The following ADAM12 variants were observed in gnomAD, a reference collection of about 807,000 sequenced individuals.
ADAM12 encodes ADAM metallopeptidase domain 12.
ADAM12 carries 70 observed loss-of-function variants against 106.4 expected under a neutral mutation model. That is an observed-to-expected ratio of 0.66 (90% confidence interval 0.54 to 0.80). ADAM12 has a LOEUF of 0.80. ADAM12 is among the 30% of genes least tolerant of loss of function. The pLI is 0.00. For missense variants in ADAM12, 1,010 were observed against 1,171.9 expected (o/e 0.86, Z 2.02); for synonymous variants, 420 against 433.5 (o/e 0.97, Z 0.39).
chr10:126,296,103 G>T (rs1419477545), intron 2 of ADAM12, among the ~76,000 whole-genome samples: 2 of 152,180 alleles, frequency 1.3e-5, no homozygotes, highest in African/African-American at 4.8e-5. Flanking sequence ...CAGGAAATGT[G>T]CACCAAAACA....
Position 126,066,269 on chromosome 10 carries a change from T to G in ADAM12, c.1413+448A>C. Among the ~76,000 whole-genome samples the G allele has an allele frequency of 6.6e-6, 1 of 152,166 alleles. No homozygotes were observed. Among genetic ancestry groups the G allele is most frequent in the South Asian group, 2.1e-4 (1 of 4,824 alleles). ...GTGGCAACTTCTTTTGGGAGGACAT[T>G]AAGATTGAGTTGTTTATACAAAACT... is the stretch of plus-strand genomic sequence containing the variant. On this transcript the variant is annotated intron_variant, in intron 13 of 22. Transcript: ENST00000448723. The surrounding 1 kb of genome is among the most constrained non-coding windows in gnomAD (Gnocchi z 5.1).
intron 2 of ADAM12, among the ~76,000 whole-genome samples, chr10:126,325,212 T>C (rs182429474): frequency 1.0e-3 from 153 of 152,280 alleles, no homozygotes; most frequent in Non-Finnish European, 1.7e-3. Flanking sequence ...AGGGAATGGG[T>C]ATCAAGATAA....
intron 1 of ADAM12, among the ~76,000 whole-genome samples, chr10:126,349,196 A>G (rs1393931008): frequency 6.6e-6 from 1 of 152,232 alleles, no homozygotes; most frequent in African/African-American, 2.4e-5. Context: ...AACACACCTC[A>G]TAGCAATTGG....
chr10:126,040,088 C>T (rs898324), intron 18 of ADAM12, among the ~76,000 whole-genome samples: 3,380 of 152,202 alleles, frequency 0.022, 109 homozygotes, highest in African/African-American at 0.073. Flanking sequence ...TTTTCTATGA[C>T]CTGCTGCCAT....
rs772492079 is a variant in ADAM12 at position 126,135,582 on chromosome 10, A to G, written c.416+2T>C. The stretch of plus-strand genomic sequence containing the variant: ...AGAGCCGCCATGGTCATGGCCACTT[A>G]CCTGAGACCAGAACACGTGCTGAGA... On this transcript the variant is annotated splice_donor_variant, in intron 5 of 22. Transcript: ENST00000448723. LOFTEE classifies it high-confidence loss of function. 48 of 1,613,912 alleles carry G rather than the reference A, an allele frequency of 3.0e-5. No individual in the cohort carries two copies. Among genetic ancestry groups the G allele is most frequent in the Non-Finnish European group, 3.8e-5 (45 of 1,179,876 alleles).
chr10:126,241,022 A>G (rs958009703), intron 3 of ADAM12, among the ~76,000 whole-genome samples: 2 of 152,198 alleles, frequency 1.3e-5, no homozygotes, highest in Non-Finnish European at 2.9e-5. Context: ...TCTTAATGGA[A>G]TGTGTTCCAG....
In ADAM12 at chr10:126,015,302, C is replaced by G. The variant is rs1395562340; in HGVS notation, c.*1977G>C. ...TATCCTCTTATAATTGGAGGAAGGG[C>G]TAACATGCCAGATCTAAGGATTTGG... On this transcript the variant is annotated 3_prime_UTR_variant, in exon 23 of 23. Transcript: ENST00000448723. 1.3e-5 allele frequency: 2 copies of G among 152,146 alleles called. No homozygotes were observed. The highest frequency in any genetic ancestry group is 2.9e-5 in the Non-Finnish European group (2 of 68,024). 9.4% of individuals were successfully genotyped at this position (152,146 alleles called of 1,614,324 possible).
intron 3 of ADAM12, among the ~76,000 whole-genome samples, chr10:126,247,853 C>T (rs561894511): frequency 6.6e-5 from 10 of 152,336 alleles, no homozygotes; most frequent in South Asian, 2.1e-4. Context: ...CTCACTAAAA[C>T]GCCAAGAAAT....
chr10:126,090,728 T>C (rs1257624813), intron 11 of ADAM12: 1 of 152,230 alleles, frequency 6.6e-6, no homozygotes, highest in Non-Finnish European at 1.5e-5. Flanking sequence ...AAGTCTTAAG[T>C]TGAAATAGGA....
intron 1 of ADAM12, among the ~76,000 whole-genome samples, chr10:126,371,178 G>A (rs762634007): frequency 1.2e-4 from 19 of 152,196 alleles, no homozygotes; most frequent in Non-Finnish European, 2.5e-4. Flanking sequence ...TGCCTCCCAG[G>A]GCATGGTGAG....
intron 4 of ADAM12, among the ~76,000 whole-genome samples, chr10:126,140,926 G>A (rs1956498547): frequency 6.6e-6 from 1 of 152,196 alleles, no homozygotes; most frequent in Non-Finnish European, 1.5e-5. Context: ...GACAAAGGCA[G>A]AGAGAGAGGA....
chr10:126,234,903 A>T (rs1419007606), intron 3 of ADAM12, among the ~76,000 whole-genome samples: 1 of 152,182 alleles, frequency 6.6e-6, no homozygotes, highest in Non-Finnish European at 1.5e-5. Flanking sequence ...ACGTGGAGAG[A>T]CCTACAAATC....
chr10:126,055,475 C>T (rs947751132), intron 14 of ADAM12, among the ~76,000 whole-genome samples: 1 of 152,224 alleles, frequency 6.6e-6, no homozygotes, highest in East Asian at 1.9e-4. Flanking sequence ...GGATACAGCA[C>T]GCGGTATCAT....
intron 6 of ADAM12, among the ~76,000 whole-genome samples, chr10:126,116,522 G>T (rs561274250): frequency 4.9e-4 from 74 of 152,064 alleles, no homozygotes; most frequent in Admixed American, 7.2e-4. Context: ...AGAGGTTGGG[G>T]GGGTAATTTT....
At chr10:126,287,434 C>T (rs1237384297) in intron 2 of ADAM12, among the ~76,000 whole-genome samples, 2 of 152,182 alleles carry the variant, frequency 1.3e-5, no homozygotes, top group Non-Finnish European at 2.9e-5. Flanking sequence ...CATCTCCCTC[C>T]ATCACCCCTG....
intron 5 of ADAM12, among the ~76,000 whole-genome samples, chr10:126,121,504 A>AATTATATATT: frequency 7.2e-6 from 1 of 138,354 alleles, no homozygotes. Flanking sequence ...TATATAATAT[A>AATTATATATT]ATAGAAAATT....
chr10:126,284,418 C>A (rs573369775), intron 2 of ADAM12, among the ~76,000 whole-genome samples: 3 of 150,452 alleles, frequency 2.0e-5, no homozygotes, highest in Non-Finnish European at 3.0e-5. Context: ...GAGCTAATAC[C>A]ATGTGTCTCA....
chr10:126,100,891 G>A (rs79920552), intron 9 of ADAM12, among the ~76,000 whole-genome samples, 181 bp downstream of exon 9: 3,524 of 152,268 alleles, frequency 0.023, 109 homozygotes, highest in East Asian at 0.084. Flanking sequence ...GACTTTCCTA[G>A]CAGACCTTCA....
chr10:126,355,470 C>G (rs1855508555), intron 1 of ADAM12, among the ~76,000 whole-genome samples: 1 of 152,158 alleles, frequency 6.6e-6, no homozygotes. Context: ...GTCAAAACCC[C>G]AAAACTTGGG....
Sources: gnomAD v4.1 joint callset for allele counts (sites outside exome capture counted in the v4.1 genomes callset) on GRCh38, gnomAD v4.1.1 for gene constraint, Gnocchi (gnomAD v3.1) non-coding constraint, MANE v1.5 for transcripts, NCBI Gene and HGNC (gene_info 2026-07-23, HGNC 2026-07-21) for gene names.